TP73: variants seen among roughly 807,000 people sequenced by gnomAD.
TP73 encodes the protein tumor protein p73.
TP73 carries 25 observed loss-of-function variants against 62.5 expected under a neutral mutation model. The observed-to-expected ratio is 0.40, with a 90% CI of 0.29 to 0.56. The LOEUF is 0.56. Ranked by LOEUF, TP73 falls within the 20% of genes least tolerant of loss-of-function variation. The pLI is 0.46. For synonymous variants in TP73, 423 were observed against 377.5 expected, an observed-to-expected ratio of 1.12 and a Z score of -1.40; for missense variants, 754 against 913.3, an observed-to-expected ratio of 0.83 and a Z score of 2.25.
In TP73 at chr1:3,672,803, G is replaced by A. The variant is rs1021432047; in HGVS notation, c.-33-9530G>A. Among the ~76,000 whole-genome samples, 4 of 151,946 alleles carry A rather than the reference G, an allele frequency of 2.6e-5. No homozygotes were observed. Among genetic ancestry groups the A allele is most frequent in the African/African-American group, 4.8e-5 (2 of 41,330 alleles). On this transcript the variant is annotated intron_variant, in intron 1 of 13. Coordinates refer to ENST00000378295, the MANE Select transcript of TP73 (RefSeq NM_005427.4). This position sits in a 1 kb window ranked among gnomAD's most constrained non-coding sequence, Gnocchi z 5.3. ...CCACTTCCCTCCTGCCGCCAACCTC[G>A]TCCCCCCAAGGGCCATGTCCCTGCC... is the stretch of plus-strand genomic sequence containing the variant.
At chr1:3,711,507 C>T (rs3819960) in intron 4 of TP73, among the ~76,000 whole-genome samples, 36,551 of 152,226 alleles carry the variant, frequency 0.24, 5,389 homozygotes, top group East Asian at 0.37. Context: ...TGTGACACCC[C>T]GGCTCAGCCG....
chr1:3,729,302 C>T (rs772601528), intron 9 of TP73, 25 bp from the exon 10 acceptor site: 2 of 1,612,630 alleles, frequency 1.2e-6, no homozygotes, highest in South Asian at 1.1e-5. Context: ...GGCACGTGGG[C>T]AGAGATCTGC....
At position 3,683,089 on chromosome 1, in the gene TP73, C is replaced by A; in HGVS notation, c.95C>A (p.Pro32His). 6.2e-7 allele frequency: 1 copy of A among 1,611,660 alleles called. No homozygotes were observed. The highest frequency in any genetic ancestry group is 8.5e-7 in the Non-Finnish European group (1 of 1,178,250). Residue 32 changes from proline (P) to histidine (H), a missense_variant, in exon 3 of 14, where the codon CCC becomes CAC. This residue lies in a region of TP73 where 235 missense variants were observed against 251.4 expected (regional missense o/e 0.93). Coordinates refer to ENST00000378295, the MANE Select transcript of TP73 (RefSeq NM_005427.4). ...LEPDSTYFDL[P>H]QSSRGNNEVV... ...CCAGACAGCACCTACTTCGACCTTC[C>A]CCAGTCAAGCCGGGGGAATAATGAG... is the stretch of plus-strand genomic sequence containing the variant.
intron 3 of TP73, among the ~76,000 whole-genome samples, chr1:3,689,023 G>C (rs1885870): frequency 0.29 from 44,166 of 152,092 alleles, 7,967 homozygotes; most frequent in Non-Finnish European, 0.39. Context: ...GTGCCCTGTG[G>C]GGGTCGGGAG....
chr1:3,704,595 G>A (rs567876119), intron 3 of TP73, among the ~76,000 whole-genome samples: 2 of 152,210 alleles, frequency 1.3e-5, no homozygotes, highest in African/African-American at 4.8e-5. Context: ...TGACCCCTCG[G>A]AACAGTGACC....
In TP73 at chr1:3,666,206, C is replaced by T. The variant is rs553982991; in HGVS notation, c.-34+13565C>T. 1.3e-5 allele frequency among the ~76,000 whole-genome samples: 2 copies of T among 148,928 alleles called. No homozygotes were observed. The highest frequency in any genetic ancestry group is 4.0e-4 in the East Asian group (2 of 5,024). ...CAGCCTAGGCTGGTGTGCAGTGGTG[C>T]AGTCACAGCTGACCACAGCCTCCAA... On this transcript the variant is annotated intron_variant, in intron 1 of 13. Transcript: ENST00000378295. The surrounding 1 kb of genome is among the most constrained non-coding windows in gnomAD (Gnocchi z 6.4).
At position 3,732,771 on chromosome 1, in the gene TP73, G is replaced by A. The variant is rs778199387; in HGVS notation, c.1603G>A (p.Glu535Lys). 5 of 1,590,218 alleles carry A rather than the reference G, an allele frequency of 3.1e-6. No homozygotes were observed. The highest frequency in any genetic ancestry group is 2.3e-5 in the South Asian group (2 of 88,582). Residue 535 changes from glutamate (E) to lysine (K), a missense_variant, in exon 14 of 14, where the codon GAG becomes AAG. This residue lies in a region of TP73 where 458 missense variants were observed against 528.7 expected (regional missense o/e 0.87). Coordinates refer to ENST00000378295, the MANE Select transcript of TP73 (RefSeq NM_005427.4). ...IEDLGALKIP[E>K]QYRMTIWRGL... Reference sequence around the variant, plus strand: ...GGACCTGGGGGCCCTGAAGATCCCCGAGCAGTACCGCATGACCATCTGGCG... The same window carrying A: ...GGACCTGGGGGCCCTGAAGATCCCCAAGCAGTACCGCATGACCATCTGGCG...
chr1:3,727,906 G>A, intron 8 of TP73, 136 bp downstream of exon 8: 2 of 1,346,456 alleles, frequency 1.5e-6, no homozygotes, highest in Non-Finnish European at 2.0e-6. Flanking sequence ...CTCCCTGACG[G>A]AGCCTGAGAG....
At chr1:3,726,920 CGGATGGAT>C (rs1179757605) in intron 6 of TP73, among the ~76,000 whole-genome samples, 187 bp from the exon 7 acceptor site, 2 of 25,674 alleles carry the variant, frequency 7.8e-5, no homozygotes, top group Non-Finnish European at 2.0e-4. Context: ...GATGGATGGA[CGGATGGAT>C]GGATGGATGG....
intron 5 of TP73, 86 bp from the exon 6 acceptor site, chr1:3,723,268 C>A (rs982877961): frequency 1.9e-5 from 20 of 1,060,724 alleles, no homozygotes; most frequent in Non-Finnish European, 2.7e-5. Flanking sequence ...CCTTTGAACC[C>A]GGCACAGGGC....
intron 3 of TP73, chr1:3,698,238 GC>G (rs1223728549): frequency 1.3e-4 from 69 of 520,820 alleles, no homozygotes; most frequent in Non-Finnish European, 1.7e-4. Context: ...GCTCTGGGGT[GC>G]TGGCAGCAGG....
chr1:3,685,361 G>T (rs1029066896), intron 3 of TP73, among the ~76,000 whole-genome samples: 1 of 152,174 alleles, frequency 6.6e-6, no homozygotes, highest in Non-Finnish European at 1.5e-5. Context: ...TGGGAGCCTC[G>T]AACCTCCGCA....
Position 3,729,637 on chromosome 1 carries a change from G to A in TP73, c.1196+189G>A, listed in dbSNP as rs538257122. The stretch of plus-strand genomic sequence containing the variant: ...CCTTCTAGCACTTGGGGCTGCCCTG[G>A]GACCCTGGGTCATGGCCCTTGCTAT... On this transcript the variant is annotated intron_variant, in intron 10 of 13. Transcript: ENST00000378295. 2.1e-5 allele frequency: 22 copies of A among 1,058,436 alleles called. 1 individual carries two copies. The African/African-American group carries it at 3.1e-4, about 15-fold the overall frequency. 65.6% of individuals were successfully genotyped at this position (1,058,436 alleles called of 1,614,324 possible). A position where few individuals can be genotyped will look rare whatever the true frequency, so the allele number is the denominator to read the frequency against.
chr1:3,709,304 C>T (rs1213862739), intron 4 of TP73, among the ~76,000 whole-genome samples: 2 of 152,220 alleles, frequency 1.3e-5, no homozygotes, highest in East Asian at 1.9e-4. Context: ...GGACCTGGCA[C>T]CTCCTCCGGG....
chr1:3,721,951 A>G (rs373375456), intron 4 of TP73, 70 bp from the exon 5 acceptor site: 67 of 1,494,706 alleles, frequency 4.5e-5, no homozygotes, highest in Non-Finnish European at 5.5e-5. Context: ...GTGGCTCCCA[A>G]TGGGGGGTGG....
chr1:3,717,866 C>G (rs2124456178), intron 4 of TP73, among the ~76,000 whole-genome samples: 1 of 152,350 alleles, frequency 6.6e-6, no homozygotes, highest in South Asian at 2.1e-4. Flanking sequence ...GGCTGGGCAC[C>G]TGGGGTCCAG....
chr1:3,678,970 G>GT (rs1645440972), intron 1 of TP73, among the ~76,000 whole-genome samples: 1 of 152,226 alleles, frequency 6.6e-6, no homozygotes, highest in Admixed American at 6.5e-5. Context: ...CATGCTCCTG[G>GT]TGGTGGCCTG....
rs1641939474 is a variant in TP73, at chr1:3,729,311, G to C, written c.1075-16G>C. The C allele has an allele frequency of 6.2e-7, 1 of 1,612,730 alleles. No homozygotes were observed. The highest frequency in any genetic ancestry group is 1.7e-5 in the Admixed American group (1 of 59,998). On this transcript the variant is annotated splice_polypyrimidine_tract_variant and intron_variant, in intron 9 of 13. Transcript: ENST00000378295. ...GTCTGGGGCACGTGGGCAGAGATCT[G>C]CTCCTCTGTGCTCAGGTGCGAGGCC...
chr1:3,671,252 A>G (rs867233797), intron 1 of TP73, among the ~76,000 whole-genome samples: 2 of 152,244 alleles, frequency 1.3e-5, no homozygotes, highest in South Asian at 4.1e-4. Flanking sequence ...TGGGAGCGTG[A>G]CGGGAAGCAG....
Sources: gnomAD v4.1 joint callset for allele counts (sites outside exome capture counted in the v4.1 genomes callset) on GRCh38, gnomAD v4.1.1 for gene constraint, gnomAD v4.1.1 regional missense constraint, Gnocchi (gnomAD v3.1) non-coding constraint, MANE v1.5 for transcripts, NCBI Gene and HGNC (gene_info 2026-07-23, HGNC 2026-07-21) for gene names.